The following TAFA5 variants were observed in gnomAD, a reference collection of about 807,000 sequenced individuals.
TAFA5 encodes chemokine-like protein TAFA-5.
TAFA5 carries 6 observed loss-of-function variants against 15.3 expected under a neutral mutation model. That is an observed-to-expected ratio of 0.39 (90% CI 0.21 to 0.77). The LOEUF is 0.77. TAFA5 is among the 30% of genes least tolerant of loss of function. The pLI is 0.41. For synonymous variants in TAFA5, 103 were observed against 80.7 expected (o/e 1.28, Z -1.48); for missense variants, 161 against 193.1 (o/e 0.83, Z 0.98).
rs1197219539 is a variant in TAFA5 at position 48,655,830 on chromosome 22, CTTTTTTTTTTTTTTT to C, written c.262+9097_262+9111del. ...GGCTTCCTGAAGCCAAACACTGATT[CTTTTTTTTTTTTTTT>C]TTTTTTTTTTTTGAGACAGAGTCTC... On this transcript the variant is annotated intron_variant, in intron 2 of 3. Coordinates refer to ENST00000402357, the MANE Select transcript of TAFA5 (RefSeq NM_001082967.3). 8.7e-4 allele frequency among the ~76,000 whole-genome samples: 54 copies of C among 62,404 alleles called. 1 individual carries two copies. The highest frequency in any genetic ancestry group is 3.9e-3 in the African/African-American group (53 of 13,542). 40.9% of individuals were successfully genotyped at this position (62,404 alleles called of 152,430 possible).
intron 3 of TAFA5, among the ~76,000 whole-genome samples, chr22:48,733,069 A>C (rs1344479718): frequency 1.3e-5 from 2 of 152,204 alleles, no homozygotes; most frequent in Non-Finnish European, 2.9e-5. Context: ...CACTCTCTTG[A>C]TCGTGATATT....
At chr22:48,674,804 G>C (rs1927918239) in intron 2 of TAFA5, among the ~76,000 whole-genome samples, 1 of 152,120 alleles carries the variant, frequency 6.6e-6, no homozygotes, top group East Asian at 1.9e-4. Context: ...AACAAGCCTG[G>C]CCCGATGCAC....
chr22:48,631,522 C>T (rs1036330944), intron 1 of TAFA5, among the ~76,000 whole-genome samples: 2 of 152,210 alleles, frequency 1.3e-5, no homozygotes, highest in Non-Finnish European at 2.9e-5. Context: ...TGTGAGTGTC[C>T]CCAGGTCTCC....
chr22:48,624,124 A>G (rs1472173592), intron 1 of TAFA5, among the ~76,000 whole-genome samples: 1 of 152,146 alleles, frequency 6.6e-6, no homozygotes, highest in Admixed American at 6.5e-5. Flanking sequence ...TGACCCTGAC[A>G]GTTTTGAGGA....
chr22:48,630,667 C>T (rs1199915604), intron 1 of TAFA5, among the ~76,000 whole-genome samples: 5 of 152,180 alleles, frequency 3.3e-5, no homozygotes, highest in Admixed American at 6.5e-5. Flanking sequence ...ACAGCGTCCA[C>T]GTCTTCACCG....
intron 3 of TAFA5, among the ~76,000 whole-genome samples, chr22:48,725,463 G>A (rs1435966240): frequency 1.3e-5 from 2 of 152,122 alleles, no homozygotes; most frequent in Admixed American, 1.3e-4. Flanking sequence ...TACTTTTATA[G>A]AAAGTGTCTG....
At chr22:48,658,751 C>T (rs5771905) in intron 2 of TAFA5, among the ~76,000 whole-genome samples, 85,071 of 152,084 alleles carry the variant, frequency 0.56, 24,147 homozygotes, top group East Asian at 0.78. Context: ...TGGAAATGCC[C>T]CTGCTGGCCC....
intron 2 of TAFA5, among the ~76,000 whole-genome samples, chr22:48,654,272 C>T (rs1459659866): frequency 2.0e-5 from 3 of 152,280 alleles, no homozygotes; most frequent in Middle Eastern, 3.4e-3. Flanking sequence ...GGGCCTGACC[C>T]TGGGCAGACC....
At chr22:48,716,653 T>G (rs915556338) in intron 3 of TAFA5, among the ~76,000 whole-genome samples, 1 of 152,232 alleles carries the variant, frequency 6.6e-6, no homozygotes, top group Admixed American at 6.5e-5. Flanking sequence ...ACCTGCACGT[T>G]CTGCACATGT....
In TAFA5 at chr22:48,541,626, TGGAG is replaced by T. The variant is rs1004724104; in HGVS notation, c.112+51928_112+51931del. Among the ~76,000 whole-genome samples the T allele has an allele frequency of 1.1e-4, 17 of 151,724 alleles. No individual in the cohort carries two copies. In the East Asian group the frequency reaches 2.9e-3, roughly 26 times the overall value. On this transcript the variant is annotated intron_variant, in intron 1 of 3. Transcript: ENST00000402357. ...CCCCCCTGTGTCGGTGTTGGGAGGG[TGGAG>T]GGAGGCCAGGGTGGGAGGCCCCATG...
intron 2 of TAFA5, among the ~76,000 whole-genome samples, chr22:48,671,984 C>A (rs1286162181): frequency 2.0e-5 from 3 of 152,184 alleles, no homozygotes. Flanking sequence ...TGAAGCAATC[C>A]CTGAACCTCT....
chr22:48,534,880 C>T (rs1922099957), intron 1 of TAFA5, among the ~76,000 whole-genome samples: 1 of 152,104 alleles, frequency 6.6e-6, no homozygotes, highest in South Asian at 2.1e-4. Flanking sequence ...GGATGGAGGT[C>T]GGTGCCCATT....
chr22:48,593,307 AT>A (rs1924641093), intron 1 of TAFA5, among the ~76,000 whole-genome samples: 1 of 152,122 alleles, frequency 6.6e-6, no homozygotes, highest in African/African-American at 2.4e-5. Context: ...CAGCCCCTCC[AT>A]TTTGCAGATG....
rs543129731 is a variant in TAFA5 at position 48,716,430 on chromosome 22, A to G, written c.390+8586A>G. On this transcript the variant is annotated intron_variant, in intron 3 of 3. Coordinates refer to ENST00000402357, the MANE Select transcript of TAFA5 (RefSeq NM_001082967.3). ...AACTAACACAGGAACAGAAAACCGA[A>G]CACCACGTGTTCTCACTCATAAGTG... is the stretch of plus-strand genomic sequence containing the variant. 3.3e-5 allele frequency among the ~76,000 whole-genome samples: 5 copies of G among 152,338 alleles called. No individual in the cohort carries two copies. The South Asian group carries it at 6.2e-4, about 19-fold the overall frequency.
chr22:48,742,946 G>A lies in TAFA5; in HGVS notation c.391-6893G>A, dbSNP rs1770392808. Among the ~76,000 whole-genome samples the A allele has an allele frequency of 1.3e-5, 2 of 152,160 alleles. No individual in the cohort carries two copies. The highest frequency in any genetic ancestry group is 1.9e-4 in the East Asian group (1 of 5,184). On this transcript the variant is annotated intron_variant, in intron 3 of 3. Coordinates refer to ENST00000402357, the MANE Select transcript of TAFA5 (RefSeq NM_001082967.3). This position sits in a 1 kb window ranked among gnomAD's most constrained non-coding sequence, Gnocchi z 6.2. Reference sequence around the variant, plus strand: ...GGACATGTTGGGGCAATGCTGCCTGGCCCCGCCCTCAGCCCAGCCCTGGGA... The same window carrying A: ...GGACATGTTGGGGCAATGCTGCCTGACCCCGCCCTCAGCCCAGCCCTGGGA...
intron 2 of TAFA5, among the ~76,000 whole-genome samples, chr22:48,654,876 A>G (rs1298812497): frequency 6.6e-6 from 1 of 151,586 alleles, no homozygotes; most frequent in Non-Finnish European, 1.5e-5. Flanking sequence ...GCAGGGAGCA[A>G]CCTCCTTATC....
At chr22:48,610,646 G>C (rs959354396) in intron 1 of TAFA5, among the ~76,000 whole-genome samples, 1 of 152,060 alleles carries the variant, frequency 6.6e-6, no homozygotes, top group African/African-American at 2.4e-5. Context: ...GGAGGGCTTC[G>C]GGCCGTGTTG....
At chr22:48,520,621 A>G (rs955803651) in intron 1 of TAFA5, among the ~76,000 whole-genome samples, 3 of 152,080 alleles carry the variant, frequency 2.0e-5, no homozygotes, top group Non-Finnish European at 4.4e-5. Flanking sequence ...TCCTAGACGG[A>G]TGTGAGGGAT....
chr22:48,634,345 T>C (rs28592288), intron 1 of TAFA5, among the ~76,000 whole-genome samples: 2 of 151,998 alleles, frequency 1.3e-5, no homozygotes, highest in Non-Finnish European at 2.9e-5. Context: ...CATTCACTCA[T>C]TCACCCACTC....
Sources: gnomAD v4.1 joint callset for allele counts (sites outside exome capture counted in the v4.1 genomes callset) on GRCh38, gnomAD v4.1.1 for gene constraint, Gnocchi (gnomAD v3.1) non-coding constraint, MANE v1.5 for transcripts, NCBI Gene and HGNC (gene_info 2026-07-23, HGNC 2026-07-21) for gene names.